Variants in UGT1A3 observed in about 807,000 individuals in gnomAD.
UGT1A3 encodes UDP-glucuronosyltransferase 1A3.
UGT1A3 carries 31 observed loss-of-function variants against 41.0 expected under a neutral mutation model. That is an observed-to-expected ratio of 0.76 (90% CI 0.57 to 1.02). The LOEUF is 1.02. Among genes scored for constraint, UGT1A3 ranks in the 50% least tolerant of loss-of-function variants. UGT1A3 has a pLI of 0.00. For missense variants in UGT1A3, 737 were observed against 671.0 expected (o/e 1.10, Z -1.09); for synonymous variants, 262 against 257.6 (o/e 1.02, Z -0.17).
At chr2:233,764,328 G>A (rs35377848) in intron 1 of UGT1A3, among the ~76,000 whole-genome samples, 4 of 152,284 alleles carry the variant, frequency 2.6e-5, no homozygotes, top group East Asian at 3.9e-4. Flanking sequence ...TTGCCAAGTA[G>A]GGGATGGACT....
At chr2:233,742,815 T>C (rs1692108353) in intron 1 of UGT1A3, 1 of 153,808 alleles carries the variant, frequency 6.5e-6, no homozygotes. Flanking sequence ...ATTGATATTA[T>C]TTGTAGATTT....
chr2:233,748,177 G>A, intron 1 of UGT1A3: 1 of 1,581,678 alleles, frequency 6.3e-7, no homozygotes, highest in Middle Eastern at 2.3e-4. Context: ...TTATCTTTCT[G>A]GTGCTTTTAT....
At chr2:233,741,636 G>A (rs776299256) in intron 1 of UGT1A3, 1 of 151,906 alleles carries the variant, frequency 6.6e-6, no homozygotes, top group Non-Finnish European at 1.5e-5. Flanking sequence ...GCCCCTGTGG[G>A]ATGGTGCCAG....
chr2:233,737,711 C>T (rs2078913752), intron 1 of UGT1A3, among the ~76,000 whole-genome samples: 1 of 152,172 alleles, frequency 6.6e-6, no homozygotes, highest in Admixed American at 6.5e-5. Flanking sequence ...GTTCTCCTCT[C>T]CAACACCTCC....
intron 1 of UGT1A3, chr2:233,743,635 G>C: frequency 1.5e-6 from 2 of 1,367,296 alleles, no homozygotes; most frequent in Non-Finnish European, 2.0e-6. Flanking sequence ...CGGCTGGGTC[G>C]CGGAAGCTGA....
rs923317009 is a variant in UGT1A3, at chr2:233,730,111, C to T, written c.867+118C>T. On this transcript the variant is annotated intron_variant, in intron 1 of 4. Transcript: ENST00000482026. ...CTTTCCAAATATTTCATTTCTGCTT[C>T]TCCTTGTCATAATAGCCTTCAGTGA... The T allele has an allele frequency of 2.6e-6, 4 of 1,566,198 alleles. No individual in the cohort carries two copies. In the African/African-American group the frequency reaches 4.1e-5, roughly 16 times the overall value.
intron 1 of UGT1A3, chr2:233,743,541 A>ACC (rs544018510): frequency 2.2e-6 from 3 of 1,366,832 alleles, no homozygotes; most frequent in South Asian, 1.1e-5. Flanking sequence ...AGTTCCTCTG[A>ACC]CCCCCCCAAA....
intron 1 of UGT1A3, among the ~76,000 whole-genome samples, chr2:233,751,506 C>A (rs1237689489): frequency 1.3e-5 from 2 of 152,104 alleles, no homozygotes; most frequent in Non-Finnish European, 2.9e-5. Context: ...TTGGGAGGGG[C>A]CAGAGGGCAG....
intron 1 of UGT1A3, among the ~76,000 whole-genome samples, chr2:233,745,073 T>G (rs1693008266): frequency 6.6e-6 from 1 of 151,914 alleles, no homozygotes; most frequent in South Asian, 2.1e-4. Context: ...TTTGTATTGT[T>G]TTTTCATTGC....
intron 1 of UGT1A3, chr2:233,743,959 C>A (rs371517697): frequency 5.2e-6 from 7 of 1,333,990 alleles, no homozygotes; most frequent in Non-Finnish European, 7.0e-6. Context: ...GCACAGCGAG[C>A]GGCAAGGCTG....
At chr2:233,743,788 C>T (rs1478609008) in intron 1 of UGT1A3, 1 of 1,367,378 alleles carries the variant, frequency 7.3e-7, no homozygotes, top group Admixed American at 1.9e-5. Flanking sequence ...TGAATCTCCT[C>T]TCCGCTTCCT....
intron 1 of UGT1A3, chr2:233,744,108 T>G: frequency 2.5e-6 from 1 of 394,750 alleles, no homozygotes; most frequent in South Asian, 2.1e-5. Flanking sequence ...GGACTGGCCC[T>G]GCTCTCTGTG....
At chr2:233,757,560 A>ATATATATATATATATATATATATATATG (rs904896556) in intron 1 of UGT1A3, among the ~76,000 whole-genome samples, 8 of 123,138 alleles carry the variant, frequency 6.5e-5, no homozygotes, top group African/African-American at 2.4e-4. Flanking sequence ...ATATATATAT[A>ATATATATATATATATATATATATATATG]TGTATATATG....
At chr2:233,748,654 C>T (rs1693998428) in intron 1 of UGT1A3, among the ~76,000 whole-genome samples, 1 of 151,632 alleles carries the variant, frequency 6.6e-6, no homozygotes, top group Admixed American at 6.6e-5. Flanking sequence ...ACACTGAGTT[C>T]AGTTTCCAGA....
intron 1 of UGT1A3, among the ~76,000 whole-genome samples, chr2:233,761,552 A>T (rs1697800499): frequency 6.6e-6 from 1 of 152,250 alleles, no homozygotes; most frequent in Admixed American, 6.5e-5. Context: ...TGATGATGAT[A>T]GATCCTGGAA....
chr2:233,744,136 G>A, intron 1 of UGT1A3: 1 of 352,326 alleles, frequency 2.8e-6, no homozygotes, highest in Non-Finnish European at 5.4e-6. Flanking sequence ...GTGAGGCCCT[G>A]TGATGCTCCA....
rs180748838 is a variant in UGT1A3, at chr2:233,756,669, G to A, written c.868-10365G>A. ...AACATGGGATGCAGTGATTATTTCC[G>A]CTAGAACTGCTATATAATGACGATG... On this transcript the variant is annotated intron_variant, in intron 1 of 4. Transcript: ENST00000482026. 6.9e-4 allele frequency among the ~76,000 whole-genome samples: 105 copies of A among 152,198 alleles called. No homozygotes were observed. In the South Asian group the frequency reaches 9.1e-3, roughly 13 times the overall value.
chr2:233,738,062 G>A lies in UGT1A3; in HGVS notation c.867+8069G>A, dbSNP rs1045762384. ...GTGTTGAGGACAGGACATGGTGGGA[G>A]GTCCCCACCTCCTAATCTCATCATA... On this transcript the variant is annotated intron_variant, in intron 1 of 4. Coordinates refer to ENST00000482026, the MANE Select transcript of UGT1A3 (RefSeq NM_019093.4). 4.6e-5 allele frequency among the ~76,000 whole-genome samples: 7 copies of A among 152,180 alleles called. 1 individual carries two copies. The highest frequency in any genetic ancestry group is 4.2e-4 in the South Asian group (2 of 4,808).
rs1191601958 is a variant in UGT1A3, at chr2:233,739,349, G to A, written c.867+9356G>A. ...GCCACAGTCCTTCAGAACCCAGAAGGGCAGATCCAATAGCTTGCACTGTGT... is the reference window on the plus strand; with the variant it reads ...GCCACAGTCCTTCAGAACCCAGAAGAGCAGATCCAATAGCTTGCACTGTGT... On this transcript the variant is annotated intron_variant, in intron 1 of 4. Coordinates refer to ENST00000482026, the MANE Select transcript of UGT1A3 (RefSeq NM_019093.4). Among the ~76,000 whole-genome samples, 6 of 152,284 alleles carry A rather than the reference G, an allele frequency of 3.9e-5. No homozygotes were observed. In the East Asian group the frequency reaches 5.8e-4, roughly 15 times the overall value.
Sources: allele counts gnomAD v4.1 joint callset (sites outside exome capture counted in the v4.1 genomes callset), GRCh38; gene constraint gnomAD v4.1.1; transcripts MANE v1.5; gene names NCBI Gene and HGNC (gene_info 2026-07-23, HGNC 2026-07-21).